The following DLEC1 variants were observed in gnomAD, a reference collection of about 807,000 sequenced individuals.
DLEC1 encodes the protein deleted in lung and esophageal cancer protein 1.
In DLEC1, 146 loss-of-function variants were observed where a neutral mutation model predicts 198.1. The ratio of observed to expected loss-of-function variants is 0.74; its 90% confidence interval spans 0.64 to 0.85. The LOEUF (loss-of-function observed/expected upper bound fraction) is 0.85. Among genes scored for constraint, DLEC1 ranks in the 40% least tolerant of loss-of-function variants. The pLI, the probability that DLEC1 is intolerant of heterozygous loss-of-function variation, is 0.00. For synonymous variants in DLEC1, 897 were observed against 866.8 expected, an observed-to-expected ratio of 1.03 and a Z score of -0.61; for missense variants, 2,233 against 2,220.0, an observed-to-expected ratio of 1.01 and a Z score of -0.12.
intron 12 of DLEC1, 98 bp from the exon 13 acceptor site, chr3:38,094,781 T>C (rs1698921249): frequency 2.1e-6 from 3 of 1,429,958 alleles, no homozygotes; most frequent in Admixed American, 2.1e-5. Flanking sequence ...TCCTAGGTCC[T>C]TTCCTGCTCC....
Position 38,039,282 on chromosome 3 carries a change from C to G in DLEC1, c.57C>G (p.Cys19Trp). 1 of 1,614,048 alleles carries G rather than the reference C, an allele frequency of 6.2e-7. No homozygotes were observed. Among genetic ancestry groups the G allele is most frequent in the East Asian group, 2.2e-5 (1 of 44,876 alleles). The change falls in exon 1 of 37, where the codon TGC becomes TGG. Residue 19 changes from cysteine (C) to tryptophan (W), a missense_variant. Transcript: ENST00000308059. Reference protein sequence around the residue: ...RRSLASRTNECQGTMWAPTSP... With the variant: ...RRSLASRTNEWQGTMWAPTSP... ...CTTTAGCGTCCCGGACCAACGAGTGCCAGGGGACAATGTGGGCGCCAACTT... is the reference window on the plus strand; with the variant it reads ...CTTTAGCGTCCCGGACCAACGAGTGGCAGGGGACAATGTGGGCGCCAACTT...
intron 2 of DLEC1, among the ~76,000 whole-genome samples, chr3:38,056,113 ACAC>A (rs879626351): frequency 0.022 from 2,854 of 131,368 alleles, 37 homozygotes; most frequent in African/African-American, 0.035. Flanking sequence ...ACACACACAC[ACAC>A]AAATAGCTGA....
intron 10 of DLEC1, among the ~76,000 whole-genome samples, chr3:38,092,154 T>C (rs1419935440): frequency 6.6e-6 from 1 of 152,210 alleles, no homozygotes; most frequent in Non-Finnish European, 1.5e-5. Flanking sequence ...GGAATCACCC[T>C]AAGTGTCTAT....
intron 24 of DLEC1, 64 bp downstream of exon 24, chr3:38,111,811 A>C: frequency 1.9e-6 from 3 of 1,555,766 alleles, no homozygotes; most frequent in Non-Finnish European, 2.6e-6. Flanking sequence ...CCTTCTGTGG[A>C]TGTGGGCTGG....
Position 38,059,808 on chromosome 3 carries a change from A to G in DLEC1, c.629A>G (p.Glu210Gly), listed in dbSNP as rs930690990. ...CGGAAACATCATTTGATCTCCCCAGAAGATTACTACACCGATACAGTGCCG... is the reference window on the plus strand; with the variant it reads ...CGGAAACATCATTTGATCTCCCCAGGAGATTACTACACCGATACAGTGCCG... Reference protein sequence around the residue: ...LLRKHHLISPEDYYTDTVPFH... With the variant: ...LLRKHHLISPGDYYTDTVPFH... The change falls in exon 3 of 37, where the codon GAA (glutamate) becomes GGA (glycine). Residue 210 changes from glutamate (E) to glycine (G), a missense_variant. By Grantham distance (98) the Glu-to-Gly change is moderately conservative. Transcript: ENST00000308059. The G allele has an allele frequency of 3.1e-6, 5 of 1,614,138 alleles. No individual in the cohort carries two copies. Among genetic ancestry groups the G allele is most frequent in the East Asian group, 2.2e-5 (1 of 44,890 alleles).
chr3:38,087,385 T>C (rs1698518339), intron 9 of DLEC1, among the ~76,000 whole-genome samples: 1 of 128,586 alleles, frequency 7.8e-6, no homozygotes, highest in South Asian at 2.6e-4. Flanking sequence ...ACACCATCCA[T>C]CAGCATGCTC....
At chr3:38,046,981 A>G (rs7639061) in intron 2 of DLEC1, among the ~76,000 whole-genome samples, 9,383 of 152,282 alleles carry the variant, frequency 0.062, 360 homozygotes, top group Middle Eastern at 0.12. Context: ...ACTTAGGCAA[A>G]CATTCTGGGC....
In DLEC1 at chr3:38,097,268, G is replaced by C; in HGVS notation, c.2427G>C (p.Gly809=). Residue 809 remains glycine, a synonymous_variant, in exon 16 of 37, where the codon GGG becomes GGC. Coordinates refer to ENST00000308059, the MANE Select transcript of DLEC1 (RefSeq NM_007335.4). ...TCATTGAAGTGGAGCCCGGCACAGG[G>C]GTCATAGGTACCTTGGGGACTGCAG... ...CHIIEVEPGT[G]VIEPSEVGDF... The C allele has an allele frequency of 6.3e-7, 1 of 1,579,624 alleles. No homozygotes were observed. Among genetic ancestry groups the C allele is most frequent in the East Asian group, 2.3e-5 (1 of 43,038 alleles).
At chr3:38,061,495 G>A (rs1696683884) in intron 3 of DLEC1, among the ~76,000 whole-genome samples, 1 of 152,118 alleles carries the variant, frequency 6.6e-6, no homozygotes, top group Non-Finnish European at 1.5e-5. Context: ...GGTGGGGGAT[G>A]ATCTTAACAG....
chr3:38,092,916 G>A, intron 11 of DLEC1, 36 bp downstream of exon 11: 1 of 1,603,602 alleles, frequency 6.2e-7, no homozygotes. Context: ...CAAGGCTGGA[G>A]AGGCTGCCCC....
At chr3:38,055,640 A>T (rs1305851573) in intron 2 of DLEC1, among the ~76,000 whole-genome samples, 1 of 152,166 alleles carries the variant, frequency 6.6e-6, no homozygotes, top group East Asian at 1.9e-4. Flanking sequence ...CAGCAGAAGG[A>T]GAGTGGTCCT....
At chr3:38,046,327 A>G (rs2125578136) in intron 2 of DLEC1, among the ~76,000 whole-genome samples, 1 of 152,182 alleles carries the variant, frequency 6.6e-6, no homozygotes, top group East Asian at 1.9e-4. Flanking sequence ...CGTAATCCCC[A>G]CGTGTCATGG....
intron 14 of DLEC1, 83 bp from the exon 15 acceptor site, chr3:38,096,486 C>A: frequency 2.7e-6 from 4 of 1,489,204 alleles, no homozygotes; most frequent in Non-Finnish European, 3.6e-6. Context: ...TTTCACAAGG[C>A]CAAACGTGGG....
At chr3:38,108,792 CTGTG>C (rs1699706998) in intron 21 of DLEC1, among the ~76,000 whole-genome samples, 1 of 152,248 alleles carries the variant, frequency 6.6e-6, no homozygotes, top group Non-Finnish European at 1.5e-5. Flanking sequence ...AGGCCATTCT[CTGTG>C]GCCGCAGGTG....
intron 6 of DLEC1, among the ~76,000 whole-genome samples, chr3:38,074,449 C>T (rs1575422022): frequency 2.0e-5 from 3 of 152,180 alleles, no homozygotes; most frequent in South Asian, 4.1e-4. Context: ...GGCGGTAAAG[C>T]GTCTAAGGGT....
rs747594859 is a variant in DLEC1 at position 38,117,175 on chromosome 3, G to A, written c.4306-33G>A. On this transcript the variant is annotated intron_variant, in intron 30 of 36. Coordinates refer to ENST00000308059, the MANE Select transcript of DLEC1 (RefSeq NM_007335.4). ...GGTAGCATGCTGCCTACTCAGCCCA[G>A]GGATCAGCTGTGATCAGACTTGGGC... 6 of 1,614,128 alleles carry A rather than the reference G, an allele frequency of 3.7e-6. No homozygotes were observed. The South Asian group carries it at 6.6e-5, about 18-fold the overall frequency.
In DLEC1 at chr3:38,109,532, T is replaced by C; in HGVS notation, c.3230T>C (p.Ile1077Thr). 2 of 1,614,214 alleles carry C rather than the reference T, an allele frequency of 1.2e-6. No homozygotes were observed. The highest frequency in any genetic ancestry group is 1.7e-6 in the Non-Finnish European group (2 of 1,180,028). ...AAGCCCCAGGGACTGCAAGTGGCCA[T>C]TACCATCTCTAAGGAGAGCTCTGAT... ...SGKPQGLQVAITISKESSDCS... is the reference protein window; with the variant it reads ...SGKPQGLQVATTISKESSDCS... Residue 1077 changes from isoleucine to threonine, a missense_variant, in exon 22 of 37, where the codon ATT (isoleucine) becomes ACT (threonine). Physicochemically the swap from Ile to Thr is moderately conservative, Grantham distance 89. Transcript: ENST00000308059.
chr3:38,061,846 A>T (rs1157575916), intron 3 of DLEC1, among the ~76,000 whole-genome samples: 1 of 152,062 alleles, frequency 6.6e-6, no homozygotes, highest in African/African-American at 2.4e-5. Flanking sequence ...TTTTAAATTT[A>T]TTTTTTGTAG....
At chr3:38,065,984 T>C (rs1380253233) in intron 6 of DLEC1, among the ~76,000 whole-genome samples, 1 of 152,214 alleles carries the variant, frequency 6.6e-6, no homozygotes, top group Non-Finnish European at 1.5e-5. Context: ...TCTTTTATCT[T>C]CCATATTTTC....
Sources: allele counts gnomAD v4.1 joint callset (sites outside exome capture counted in the v4.1 genomes callset), GRCh38; gene constraint gnomAD v4.1.1; transcripts MANE v1.5; gene names NCBI Gene and HGNC (gene_info 2026-07-23, HGNC 2026-07-21).